The following MBD5 variants were observed in gnomAD, a reference collection of about 807,000 sequenced individuals.
MBD5 encodes methyl-CpG binding domain protein 5, also known as methyl-CpG-binding domain protein 5.
A neutral mutation model predicts 117.3 loss-of-function variants in MBD5; 13 were observed. That is an observed-to-expected ratio of 0.11 (90% CI 0.07 to 0.18). MBD5 has a LOEUF of 0.18. Ranked by LOEUF, MBD5 falls within the 10% of genes least tolerant of loss-of-function variation. The pLI is 1.00. For missense variants in MBD5, 1,879 were observed against 2,093.8 expected (o/e 0.90, Z 2.00); for synonymous variants, 727 against 766.4 (o/e 0.95, Z 0.85).
At chr2:148,279,092 T>C (rs1374724731) in intron 3 of MBD5, among the ~76,000 whole-genome samples, 5 of 152,166 alleles carry the variant, frequency 3.3e-5, no homozygotes, top group Non-Finnish European at 7.3e-5. Context: ...CAGTCTCCTC[T>C]GGGAACACCA....
chr2:148,296,738 GC>G, intron 3 of MBD5: 1 of 152,212 alleles, frequency 6.6e-6, no homozygotes, highest in Non-Finnish European at 1.5e-5. Context: ...CACCAAACCT[GC>G]CCAGCCACCA....
rs1366804503 is a variant in MBD5, at chr2:148,515,128, T to G, written c.*2187T>G. 1 of 152,212 alleles carries G rather than the reference T, an allele frequency of 6.6e-6. No individual in the cohort carries two copies. The highest frequency in any genetic ancestry group is 1.9e-4 in the East Asian group (1 of 5,200). The allele number at this position is 152,212 out of a possible 1,614,324, so 9.4% of individuals were successfully genotyped here. ...TTCTACTGTTTTTTCCTACACATTT[T>G]TGTTTATTCACAGACAGACAGACAT... On this transcript the variant is annotated 3_prime_UTR_variant, in exon 14 of 14. Transcript: ENST00000642680.
intron 4 of MBD5, among the ~76,000 whole-genome samples, chr2:148,364,906 C>T (rs921896963): frequency 7.9e-5 from 12 of 152,116 alleles, no homozygotes; most frequent in African/African-American, 2.9e-4. Context: ...GACTTTCACA[C>T]CCAAATGTCA....
At chr2:148,043,194 G>A (rs1694414018) in intron 1 of MBD5, among the ~76,000 whole-genome samples, 2 of 151,826 alleles carry the variant, frequency 1.3e-5, no homozygotes, top group Admixed American at 6.6e-5. Context: ...GGGAGGCCAA[G>A]GCAGGTGGAT....
chr2:148,468,583 T>C lies in MBD5; in HGVS notation c.640T>C (p.Phe214Leu), dbSNP rs1247675534. 4 of 1,613,852 alleles carry C rather than the reference T, an allele frequency of 2.5e-6. No homozygotes were observed. The highest frequency in any genetic ancestry group is 3.4e-6 in the Non-Finnish European group (4 of 1,179,844). ...CAGTGAACATGGACAGAAATCTCCA[T>C]TCCGTGGCAGCCATGGAGGCCTGCC... ...GSSEHGQKSP[F>L]RGSHGGLPSP... The change falls in exon 8 of 14, where the codon TTC (phenylalanine) becomes CTC (leucine). Residue 214 changes from phenylalanine to leucine, a missense_variant. Phe to Leu is a conservative substitution (Grantham distance 22). Coordinates refer to ENST00000642680, the MANE Select transcript of MBD5 (RefSeq NM_001378120.1).
Position 148,197,903 on chromosome 2 carries a change from T to C in MBD5, c.-831+19110T>C, listed in dbSNP as rs189552335. Among the ~76,000 whole-genome samples, 857 of 141,894 alleles carry C rather than the reference T, an allele frequency of 6.0e-3. 6 individuals are homozygous for C. Among genetic ancestry groups the C allele is most frequent in the South Asian group, 0.021 (90 of 4,268 alleles). The allele number at this position is 141,894 out of a possible 152,430, so 93.1% of individuals were successfully genotyped here. On this transcript the variant is annotated intron_variant, in intron 2 of 13. Coordinates refer to ENST00000642680, the MANE Select transcript of MBD5 (RefSeq NM_001378120.1). ...ATCTCGCCTAACTGCAACCTCCACC[T>C]CCCGGGTTCAAGCGATTCTCCTGCC... is the stretch of plus-strand genomic sequence containing the variant.
At chr2:148,353,617 A>G (rs1207648687) in intron 4 of MBD5, among the ~76,000 whole-genome samples, 1 of 152,002 alleles carries the variant, frequency 6.6e-6, no homozygotes, top group East Asian at 1.9e-4. Context: ...GTCTCACTCT[A>G]TCACCCAGGT....
intron 1 of MBD5, among the ~76,000 whole-genome samples, chr2:148,089,424 C>T (rs910194692): frequency 3.9e-5 from 6 of 151,984 alleles, no homozygotes; most frequent in Admixed American, 1.3e-4. Context: ...AAACATTCTC[C>T]GTGATAGACC....
At chr2:148,328,706 ATG>A in intron 3 of MBD5, among the ~76,000 whole-genome samples, 2 of 151,728 alleles carry the variant, frequency 1.3e-5, no homozygotes, top group Admixed American at 6.6e-5. Flanking sequence ...TGGCTCGCAC[ATG>A]GTGCGTGCAC....
intron 1 of MBD5, among the ~76,000 whole-genome samples, chr2:148,158,849 A>G (rs1053423096): frequency 1.3e-5 from 2 of 152,186 alleles, no homozygotes; most frequent in African/African-American, 2.4e-5. Flanking sequence ...CCTCCAGAGT[A>G]CCTGGCGCTA....
chr2:148,219,439 G>A (rs1438214287), intron 2 of MBD5, among the ~76,000 whole-genome samples: 1 of 152,050 alleles, frequency 6.6e-6, no homozygotes, highest in African/African-American at 2.4e-5. Flanking sequence ...ATAGAGTATA[G>A]TAAATACTAG....
At chr2:148,480,406 A>G (rs1416216330) in intron 8 of MBD5, among the ~76,000 whole-genome samples, 1 of 152,138 alleles carries the variant, frequency 6.6e-6, no homozygotes, top group Non-Finnish European at 1.5e-5. Flanking sequence ...CTTGCCATGT[A>G]CACTCTAGAG....
chr2:148,153,915 C>T (rs1413489292), intron 1 of MBD5, among the ~76,000 whole-genome samples: 3 of 114,780 alleles, frequency 2.6e-5, no homozygotes, highest in Admixed American at 9.6e-5. Flanking sequence ...GTAATTTGAT[C>T]GTCTGAAGCC....
intron 3 of MBD5, among the ~76,000 whole-genome samples, chr2:148,308,412 A>T (rs762272863): frequency 2.1e-5 from 3 of 141,622 alleles, no homozygotes; most frequent in Non-Finnish European, 4.6e-5. Flanking sequence ...TTTTTTTCAT[A>T]TGTTTGTTGA....
At chr2:148,110,815 A>G (rs1381577575) in intron 1 of MBD5, among the ~76,000 whole-genome samples, 1 of 150,236 alleles carries the variant, frequency 6.7e-6, no homozygotes, top group Admixed American at 6.6e-5. Context: ...TTTTAGTTCT[A>G]CCCTGTAAGA....
chr2:148,343,618 G>T (rs1395348653), intron 4 of MBD5, among the ~76,000 whole-genome samples: 1 of 151,896 alleles, frequency 6.6e-6, no homozygotes, highest in Non-Finnish European at 1.5e-5. Flanking sequence ...TTTTTAATGG[G>T]GCTGTTGGTT....
At chr2:148,084,903 G>A (rs1319895197) in intron 1 of MBD5, among the ~76,000 whole-genome samples, 2 of 152,038 alleles carry the variant, frequency 1.3e-5, no homozygotes, top group Admixed American at 6.6e-5. Flanking sequence ...TTCTTAATTC[G>A]TAAACAATAG....
At chr2:148,077,530 A>T (rs1695537707) in intron 1 of MBD5, among the ~76,000 whole-genome samples, 1 of 152,186 alleles carries the variant, frequency 6.6e-6, no homozygotes, top group Non-Finnish European at 1.5e-5. Flanking sequence ...TCTACTATGG[A>T]CTGGGTAACT....
At chr2:148,062,644 G>A (rs1695070911) in intron 1 of MBD5, 1 of 151,950 alleles carries the variant, frequency 6.6e-6, no homozygotes, top group African/African-American at 2.4e-5. Context: ...TTTGGTTTAG[G>A]AAGTTTTAAT....
Sources: allele counts gnomAD v4.1 joint callset (sites outside exome capture counted in the v4.1 genomes callset), GRCh38; gene constraint gnomAD v4.1.1; transcripts MANE v1.5; gene names NCBI Gene and HGNC (gene_info 2026-07-23, HGNC 2026-07-21).